Variants in SPPL3 observed in about 807,000 individuals in gnomAD.
SPPL3 encodes signal peptide peptidase-like 3.
Under a neutral mutation model 42.4 loss-of-function variants are expected in SPPL3, and 5 were observed. That is an observed-to-expected ratio of 0.12 (90% CI 0.06 to 0.25). The LOEUF is 0.25. Among genes scored for constraint, SPPL3 ranks in the 10% least tolerant of loss-of-function variants. The pLI, the probability that SPPL3 is intolerant of heterozygous loss-of-function variation, is 1.00. For missense variants in SPPL3, 235 were observed against 489.0 expected, an observed-to-expected ratio of 0.48 and a Z score of 4.90; for synonymous variants, 195 against 181.8, an observed-to-expected ratio of 1.07 and a Z score of -0.58.
At chr12:120,881,312 T>C (rs1260476153) in intron 1 of SPPL3, among the ~76,000 whole-genome samples, 1 of 150,436 alleles carries the variant, frequency 6.6e-6, no homozygotes, top group Non-Finnish European at 1.5e-5. Context: ...CTACTAAAAA[T>C]ACAAAAATTA....
intron 1 of SPPL3, among the ~76,000 whole-genome samples, chr12:120,871,488 C>G (rs1484574541): frequency 1.3e-5 from 2 of 152,102 alleles, no homozygotes; most frequent in Non-Finnish European, 2.9e-5. Flanking sequence ...TGCAGTGGCT[C>G]ACAGCTGTAA....
chr12:120,853,061 AT>A (rs1872316881), intron 1 of SPPL3, among the ~76,000 whole-genome samples: 2 of 151,248 alleles, frequency 1.3e-5, no homozygotes, highest in African/African-American at 4.9e-5. Context: ...TGCCTGGCTA[AT>A]TTTTTTGTAT....
intron 4 of SPPL3, 189 bp downstream of exon 4, chr12:120,784,285 T>C: frequency 2.0e-6 from 1 of 488,764 alleles, no homozygotes; most frequent in African/African-American, 2.0e-5. Context: ...TCTCAACAGA[T>C]GACGTGGATC....
In SPPL3 at chr12:120,845,464, T is replaced by C. The variant is rs907979248; in HGVS notation, c.24-34578A>G. On this transcript the variant is annotated intron_variant, in intron 1 of 10. Transcript: ENST00000353487. ...TCCGAGCCGCCCACGCCCCACACAG[T>C]GAAGCTAATATTCTTGTACTCCATG... 5.5e-5 allele frequency: 23 copies of C among 419,876 alleles called. No individual in the cohort carries two copies. The Admixed American group carries it at 6.4e-4, about 12-fold the overall frequency. The allele number at this position is 419,876 out of a possible 1,614,324, so 26.0% of individuals were successfully genotyped here.
intron 6 of SPPL3, among the ~76,000 whole-genome samples, chr12:120,770,964 C>T (rs753172512): frequency 7.2e-5 from 11 of 152,210 alleles, no homozygotes; most frequent in Middle Eastern, 3.2e-3. Context: ...TTACTCTTTG[C>T]TTCCAATTGT....
chr12:120,771,826 C>T (rs985153366), intron 6 of SPPL3, among the ~76,000 whole-genome samples: 4 of 152,226 alleles, frequency 2.6e-5, no homozygotes, highest in East Asian at 1.9e-4. Context: ...GCCCTCAACA[C>T]GCATTCCTGT....
intron 1 of SPPL3, among the ~76,000 whole-genome samples, chr12:120,855,979 A>G (rs571798398): frequency 2.0e-4 from 30 of 152,328 alleles, no homozygotes; most frequent in African/African-American, 7.2e-4. Context: ...AATGTAAGCC[A>G]GCACTGTTCA....
chr12:120,840,665 CTACAAAAAA>C (rs1256946486), intron 1 of SPPL3, among the ~76,000 whole-genome samples: 1 of 151,864 alleles, frequency 6.6e-6, no homozygotes, highest in African/African-American at 2.4e-5. Flanking sequence ...AACCCTATCT[CTACAAAAAA>C]TACAAAAATA....
chr12:120,830,553 AG>A (rs1306225737), intron 1 of SPPL3, among the ~76,000 whole-genome samples: 2 of 3,284 alleles, frequency 6.1e-4, no homozygotes, highest in Non-Finnish European at 6.2e-4. Context: ...AGGGGAGGGG[AG>A]GGGGAGGGGT....
rs759634528 is a variant in SPPL3 at position 120,810,498 on chromosome 12, C to G, written c.101+311G>C. ...TAAACTCTTTGTTCCCTTTGAGACT[C>G]TAGAATCATTGTCAAAGACTCTCTC... On this transcript the variant is annotated intron_variant, in intron 2 of 10. Transcript: ENST00000353487. Among the ~76,000 whole-genome samples the G allele has an allele frequency of 9.9e-5, 15 of 151,942 alleles. No individual in the cohort carries two copies. In the East Asian group the frequency reaches 2.9e-3, roughly 29 times the overall value.
intron 1 of SPPL3, among the ~76,000 whole-genome samples, chr12:120,874,997 T>G (rs755149548): frequency 7.2e-5 from 11 of 152,178 alleles, no homozygotes; most frequent in Admixed American, 6.5e-4. Context: ...AAAAAGGTCA[T>G]GTGCACGGGT....
At chr12:120,881,460 T>TCC (rs1873277984) in intron 1 of SPPL3, among the ~76,000 whole-genome samples, 1 of 59,990 alleles carries the variant, frequency 1.7e-5, no homozygotes. Flanking sequence ...AGAGTGAGAC[T>TCC]GCCTCAAAAA....
chr12:120,865,292 C>T (rs1331154032), intron 1 of SPPL3, among the ~76,000 whole-genome samples: 1 of 152,208 alleles, frequency 6.6e-6, no homozygotes, highest in Non-Finnish European at 1.5e-5. Context: ...GCGAACTGTA[C>T]ACTGCTCTAC....
At chr12:120,833,670 A>AT (rs1871508563) in intron 1 of SPPL3, among the ~76,000 whole-genome samples, 2 of 52,882 alleles carry the variant, frequency 3.8e-5, no homozygotes, top group African/African-American at 7.8e-5. Context: ...ATCTCTCCAA[A>AT]AAAAAAAAAA....
chr12:120,850,045 G>A (rs567736446), intron 1 of SPPL3, among the ~76,000 whole-genome samples: 5 of 152,254 alleles, frequency 3.3e-5, no homozygotes, highest in African/African-American at 1.2e-4. Flanking sequence ...GCACCTGAGA[G>A]GCTCTGAAAT....
At chr12:120,879,665 A>C (rs186243787) in intron 1 of SPPL3, among the ~76,000 whole-genome samples, 1 of 152,228 alleles carries the variant, frequency 6.6e-6, no homozygotes, top group East Asian at 1.9e-4. Flanking sequence ...TATCACAGAG[A>C]ACCATTAATT....
chr12:120,777,464 A>C (rs906228595), intron 6 of SPPL3, among the ~76,000 whole-genome samples: 30 of 152,350 alleles, frequency 2.0e-4, no homozygotes, highest in African/African-American at 4.6e-4. Context: ...TTAAGTTAAC[A>C]AATTATTGTT....
In SPPL3 at chr12:120,893,000, A is replaced by AT. The variant is rs1486770820; in HGVS notation, c.23+10844_23+10845insA. Among the ~76,000 whole-genome samples, 31 of 151,378 alleles carry AT rather than the reference A, an allele frequency of 2.0e-4. No homozygotes were observed. In the East Asian group the frequency reaches 4.5e-3, roughly 22 times the overall value. ...CTGTCTCGGGAAAAAAAAAAAAAAA[A>AT]ATACAACCCAAAATTTAGTGGACAA... On this transcript the variant is annotated intron_variant, in intron 1 of 10. Transcript: ENST00000353487.
chr12:120,773,152 C>A (rs979607371), intron 6 of SPPL3, among the ~76,000 whole-genome samples: 4 of 152,112 alleles, frequency 2.6e-5, no homozygotes, highest in Non-Finnish European at 5.9e-5. Context: ...ACCCAGAGCC[C>A]CTGCTCTGAT....
Sources: gnomAD v4.1 joint callset for allele counts (sites outside exome capture counted in the v4.1 genomes callset) on GRCh38, gnomAD v4.1.1 for gene constraint, MANE v1.5 for transcripts, NCBI Gene and HGNC (gene_info 2026-07-23, HGNC 2026-07-21) for gene names.